The following ASTN2 variants were observed in gnomAD, a reference collection of about 807,000 sequenced individuals.
The protein encoded by ASTN2 is astrotactin 2, also known as astrotactin-2.
ASTN2 carries 54 observed loss-of-function variants against 139.8 expected under a neutral mutation model. That is an observed-to-expected ratio of 0.39 (90% CI 0.31 to 0.48). ASTN2 has a LOEUF of 0.48. Ranked by LOEUF, ASTN2 falls within the 20% of genes least tolerant of loss-of-function variation. The pLI is 0.95. For synonymous variants in ASTN2, 756 were observed against 719.5 expected (o/e 1.05, Z -0.81); for missense variants, 1,565 against 1,725.1 (o/e 0.91, Z 1.64).
At chr9:117,142,442 C>T (rs998624809) in intron 3 of ASTN2, among the ~76,000 whole-genome samples, 21 of 152,170 alleles carry the variant, frequency 1.4e-4, no homozygotes, top group Non-Finnish European at 4.4e-5. Flanking sequence ...ATGTCGATCA[C>T]TTAGCAACAT....
At chr9:117,034,178 A>C (rs1838321598) in intron 6 of ASTN2, among the ~76,000 whole-genome samples, 1 of 152,192 alleles carries the variant, frequency 6.6e-6, no homozygotes, top group Non-Finnish European at 1.5e-5. Flanking sequence ...TTGTTCCTTT[A>C]AAAGCAGACT....
intron 1 of ASTN2, among the ~76,000 whole-genome samples, chr9:117,302,939 T>C (rs1270953691): frequency 6.6e-6 from 1 of 152,180 alleles, no homozygotes; most frequent in Admixed American, 6.6e-5. Context: ...AGCAACATTC[T>C]TACCTCTTAG....
At chr9:116,977,715 C>CTT (rs386416041) in intron 7 of ASTN2, among the ~76,000 whole-genome samples, 28,424 of 121,842 alleles carry the variant, frequency 0.23, 3,649 homozygotes, top group Admixed American at 0.33. Context: ...ATTTCTTTTT[C>CTT]TTTTTTTTTT....
intron 10 of ASTN2, among the ~76,000 whole-genome samples, chr9:116,897,324 C>T (rs1418999245): frequency 6.6e-6 from 1 of 152,168 alleles, no homozygotes; most frequent in Admixed American, 6.5e-5. Flanking sequence ...CTCTAAAAAG[C>T]GAGGCTTGAA....
At chr9:117,046,590 A>T (rs1448230697) in intron 5 of ASTN2, among the ~76,000 whole-genome samples, 4 of 152,156 alleles carry the variant, frequency 2.6e-5, no homozygotes, top group African/African-American at 9.7e-5. Flanking sequence ...CTACATGGGC[A>T]TCAGCAGGAT....
At chr9:117,173,699 A>G (rs1258767997) in intron 3 of ASTN2, among the ~76,000 whole-genome samples, 2 of 152,088 alleles carry the variant, frequency 1.3e-5, no homozygotes, top group Non-Finnish European at 2.9e-5. Flanking sequence ...CTTGAGGTCT[A>G]GAGATAAAGA....
intron 2 of ASTN2, among the ~76,000 whole-genome samples, chr9:117,277,502 T>C (rs1484908688): frequency 6.6e-6 from 1 of 152,206 alleles, no homozygotes; most frequent in Admixed American, 6.5e-5. Flanking sequence ...ACAGCCATTA[T>C]GGAAAACAGT....
chr9:116,897,673 A>G (rs1474032185), intron 10 of ASTN2, among the ~76,000 whole-genome samples: 1 of 152,166 alleles, frequency 6.6e-6, no homozygotes. Context: ...AACTGAATCT[A>G]TATGTGTCAC....
intron 19 of ASTN2, among the ~76,000 whole-genome samples, chr9:116,553,480 G>A (rs540702129): frequency 6.6e-6 from 1 of 152,130 alleles, no homozygotes. Context: ...GCACAGAAAC[G>A]ATGTGTCCAG....
At chr9:116,993,705 A>G (rs1836925818) in intron 7 of ASTN2, among the ~76,000 whole-genome samples, 1 of 147,944 alleles carries the variant, frequency 6.8e-6, no homozygotes, top group Non-Finnish European at 1.5e-5. Context: ...GATAAAGTGT[A>G]TCATATATTA....
At chr9:116,433,255 A>C (rs1847551827) in intron 22 of ASTN2, among the ~76,000 whole-genome samples, 1 of 152,254 alleles carries the variant, frequency 6.6e-6, no homozygotes, top group South Asian at 2.1e-4. Flanking sequence ...CTTCAAAAAA[A>C]TAAAACATTT....
chr9:116,490,738 C>T (rs1849494745), intron 19 of ASTN2, among the ~76,000 whole-genome samples: 1 of 152,144 alleles, frequency 6.6e-6, no homozygotes, highest in Non-Finnish European at 1.5e-5. Flanking sequence ...CACTTACTAT[C>T]ACGAGAACAG....
chr9:117,237,919 C>T (rs1833092500), intron 2 of ASTN2, among the ~76,000 whole-genome samples: 1 of 152,176 alleles, frequency 6.6e-6, no homozygotes. Flanking sequence ...CTCCCTCCTA[C>T]TCATAGATGG....
intron 7 of ASTN2, among the ~76,000 whole-genome samples, chr9:116,990,208 G>C (rs1836813002): frequency 6.6e-6 from 1 of 151,446 alleles, no homozygotes; most frequent in African/African-American, 2.4e-5. Flanking sequence ...CACCAAAAAA[G>C]AGTACAGTCA....
At chr9:116,700,920 A>T (rs1466373473) in intron 16 of ASTN2, 2 of 167,038 alleles carry the variant, frequency 1.2e-5, no homozygotes, top group African/African-American at 2.4e-5. Flanking sequence ...TAATAATCCA[A>T]ATCTTTCTCC....
intron 10 of ASTN2, among the ~76,000 whole-genome samples, chr9:116,931,245 C>G (rs778060672): frequency 6.6e-6 from 1 of 152,156 alleles, no homozygotes; most frequent in African/African-American, 2.4e-5. Flanking sequence ...GATCTTTATG[C>G]TTTCCTGCCA....
At chr9:116,469,045 A>G (rs924623069) in intron 20 of ASTN2, among the ~76,000 whole-genome samples, 1 of 152,022 alleles carries the variant, frequency 6.6e-6, no homozygotes, top group Non-Finnish European at 1.5e-5. Context: ...TCTCGTCTGA[A>G]CTCTCATATC....
intron 6 of ASTN2, among the ~76,000 whole-genome samples, chr9:117,028,974 T>C (rs1465619129): frequency 6.6e-6 from 1 of 152,140 alleles, no homozygotes; most frequent in African/African-American, 2.4e-5. Flanking sequence ...AAGTAGAGAT[T>C]TGTCCAAAGA....
At chr9:116,473,490 A>G (rs1331671751) in intron 20 of ASTN2, among the ~76,000 whole-genome samples, 1 of 152,212 alleles carries the variant, frequency 6.6e-6, no homozygotes, top group African/African-American at 2.4e-5. Context: ...TCCCATGTCC[A>G]AAGGGCTTCT....
Sources: allele counts gnomAD v4.1 joint callset (sites outside exome capture counted in the v4.1 genomes callset), GRCh38; gene constraint gnomAD v4.1.1; transcripts MANE v1.5; gene names NCBI Gene and HGNC (gene_info 2026-07-23, HGNC 2026-07-21).